CELF4: variants seen among roughly 807,000 people sequenced by gnomAD.
The protein encoded by CELF4 is CUGBP Elav-like family member 4, also known as CUG-BP- and ETR-3-like factor 4.
A neutral mutation model predicts 59.9 loss-of-function variants in CELF4; 18 were observed. The observed-to-expected ratio is 0.30, with a 90% CI of 0.21 to 0.45. The LOEUF is 0.45. CELF4 is among the 20% of genes least tolerant of loss of function. The pLI, the probability that CELF4 is intolerant of heterozygous loss-of-function variation, is 1.00. For synonymous variants in CELF4, 261 were observed against 267.1 expected (o/e 0.98, Z 0.22); for missense variants, 456 against 689.0 (o/e 0.66, Z 3.79).
intron 1 of CELF4, 135 bp from the exon 2 acceptor site, chr18:37,485,742 T>G: frequency 2.3e-6 from 1 of 427,458 alleles, no homozygotes; most frequent in Non-Finnish European, 4.0e-6. Context: ...TTCTCTCCCG[T>G]GCACTGTTCT....
chr18:37,379,507 CAAAA>C (rs56250210), intron 2 of CELF4, among the ~76,000 whole-genome samples: 17 of 45,708 alleles, frequency 3.7e-4, no homozygotes, highest in African/African-American at 1.3e-3. Flanking sequence ...AGGCCATAAG[CAAAA>C]AAAAAAAAAA....
At chr18:37,300,521 G>A (rs1264186445) in intron 3 of CELF4, among the ~76,000 whole-genome samples, 1 of 152,106 alleles carries the variant, frequency 6.6e-6, no homozygotes, top group Non-Finnish European at 1.5e-5. Context: ...CACTGCTCCT[G>A]GCCTCCAGCA....
rs571787287 is a variant in CELF4, at chr18:37,406,922, G to A, written c.369+78603C>T. On this transcript the variant is annotated intron_variant, in intron 2 of 12. Transcript: ENST00000420428. ...GGCCTGTCTAGGAGCGGGTGAAGGA[G>A]ACCAGTCTGAACAAAATGGAACGTC... 4.6e-5 allele frequency among the ~76,000 whole-genome samples: 7 copies of A among 152,272 alleles called. 1 individual carries two copies. The South Asian group carries it at 1.2e-3, about 27-fold the overall frequency.
intron 2 of CELF4, among the ~76,000 whole-genome samples, chr18:37,402,292 T>A (rs2099337137): frequency 1.3e-5 from 2 of 152,244 alleles, no homozygotes; most frequent in African/African-American, 4.8e-5. Flanking sequence ...TCTTTCAGGT[T>A]GCCCACATGG....
chr18:37,527,744 C>T (rs1323772640), intron 1 of CELF4, among the ~76,000 whole-genome samples: 1 of 152,196 alleles, frequency 6.6e-6, no homozygotes, highest in Non-Finnish European at 1.5e-5. Context: ...TCAACCCCCT[C>T]TGTGCATTTT....
At chr18:37,328,448 C>T (rs2097407432) in intron 2 of CELF4, among the ~76,000 whole-genome samples, 1 of 152,182 alleles carries the variant, frequency 6.6e-6, no homozygotes, top group South Asian at 2.1e-4. Context: ...CCTTCTGGTT[C>T]CTTTTGGGAC....
At chr18:37,337,652 C>T (rs765510696) in intron 2 of CELF4, among the ~76,000 whole-genome samples, 35 of 152,198 alleles carry the variant, frequency 2.3e-4, no homozygotes, top group Non-Finnish European at 3.2e-4. Flanking sequence ...TCCTCTGCCT[C>T]GGAAGTCATG....
intron 1 of CELF4, among the ~76,000 whole-genome samples, chr18:37,530,543 CT>C (rs2099968473): frequency 6.6e-6 from 1 of 152,170 alleles, no homozygotes; most frequent in Non-Finnish European, 1.5e-5. Context: ...CCCACTCCCC[CT>C]ACCCCCTGCC....
chr18:37,338,371 T>C (rs1379264144), intron 2 of CELF4, among the ~76,000 whole-genome samples: 2 of 145,998 alleles, frequency 1.4e-5, no homozygotes, highest in East Asian at 4.0e-4. Context: ...CTTAACCTTG[T>C]CACTATGACT....
At chr18:37,558,422 C>A (rs78921987) in intron 1 of CELF4, among the ~76,000 whole-genome samples, 1 of 146,672 alleles carries the variant, frequency 6.8e-6, no homozygotes, top group South Asian at 2.1e-4. Context: ...GTACCTTTAA[C>A]TTCTCTTATG....
intron 2 of CELF4, among the ~76,000 whole-genome samples, chr18:37,381,615 C>T (rs2099041757): frequency 6.6e-6 from 1 of 152,120 alleles, no homozygotes; most frequent in East Asian, 1.9e-4. Flanking sequence ...GGATGGTTTT[C>T]TCTATTTGTC....
chr18:37,263,759 C>A (rs1362772850), intron 10 of CELF4, among the ~76,000 whole-genome samples: 1 of 152,076 alleles, frequency 6.6e-6, no homozygotes, highest in Non-Finnish European at 1.5e-5. Flanking sequence ...CCAGGATCAC[C>A]CCCTTCTTCC....
intron 8 of CELF4, among the ~76,000 whole-genome samples, 157 bp from the exon 9 acceptor site, chr18:37,266,755 G>A (rs1233750275): frequency 2.6e-5 from 4 of 152,328 alleles, no homozygotes; most frequent in African/African-American, 7.2e-5. Flanking sequence ...TGAGTGCCTG[G>A]ACCCTCTGGG....
intron 2 of CELF4, among the ~76,000 whole-genome samples, chr18:37,470,454 G>A (rs1255001951): frequency 2.6e-5 from 4 of 152,154 alleles, no homozygotes; most frequent in Non-Finnish European, 5.9e-5. Flanking sequence ...GTCCTCCCCA[G>A]GTCTTCTGAA....
chr18:37,352,428 A>C (rs1374438631), intron 2 of CELF4, among the ~76,000 whole-genome samples: 1 of 151,994 alleles, frequency 6.6e-6, no homozygotes, highest in Non-Finnish European at 1.5e-5. Flanking sequence ...GGATCACTTG[A>C]GCCCGGGAAT....
chr18:37,268,659 G>A (rs2078901014), intron 8 of CELF4, among the ~76,000 whole-genome samples: 2 of 152,198 alleles, frequency 1.3e-5, no homozygotes, highest in African/African-American at 4.8e-5. Flanking sequence ...AGGCCACACT[G>A]TGTGTATCCA....
chr18:37,434,673 C>G (rs1054792963), intron 2 of CELF4, among the ~76,000 whole-genome samples: 1 of 152,144 alleles, frequency 6.6e-6, no homozygotes, highest in Non-Finnish European at 1.5e-5. Flanking sequence ...TGGGGATTGG[C>G]CTTACAGCAG....
At chr18:37,395,527 A>G (rs2099233359) in intron 2 of CELF4, among the ~76,000 whole-genome samples, 1 of 152,156 alleles carries the variant, frequency 6.6e-6, no homozygotes, top group Admixed American at 6.5e-5. Context: ...GCAGTTTGTC[A>G]TTTTGAGATC....
intron 3 of CELF4, among the ~76,000 whole-genome samples, chr18:37,291,112 T>C (rs971619752): frequency 1.3e-5 from 2 of 152,186 alleles, no homozygotes; most frequent in African/African-American, 4.8e-5. Context: ...TTTCTCCATG[T>C]TGGTCAGGCT....
Sources: allele counts gnomAD v4.1 joint callset (sites outside exome capture counted in the v4.1 genomes callset), GRCh38; gene constraint gnomAD v4.1.1; transcripts MANE v1.5; gene names NCBI Gene and HGNC (gene_info 2026-07-23, HGNC 2026-07-21).